Variants in RNF135 observed in about 807,000 individuals in gnomAD.
RNF135 encodes ring finger protein 135, also known as E3 ubiquitin-protein ligase RNF135.
RNF135 carries 46 observed loss-of-function variants against 41.9 expected under a neutral mutation model. The ratio of observed to expected loss-of-function variants is 1.10; its 90% CI spans 0.87 to 1.40. The LOEUF (loss-of-function observed/expected upper bound fraction) is 1.40, where lower values mean the gene tolerates loss of function less well. RNF135 is among the 40% of genes most tolerant of loss of function. The pLI is 0.00. For missense variants in RNF135, 539 were observed against 549.8 expected (o/e 0.98, Z 0.20); for synonymous variants, 238 against 223.8 (o/e 1.06, Z -0.57).
At chr17:30,959,514 G>A in the RNF135 span, 2 of 152,246 alleles carry the variant, frequency 1.3e-5, no homozygotes, top group African/African-American at 2.4e-5. Flanking sequence ...AGATAGTTGG[G>A]TTGGGGTGGG....
At chr17:30,986,988 T>A (rs775436934) in intron 2 of RNF135, among the ~76,000 whole-genome samples, 99 of 152,278 alleles carry the variant, frequency 6.5e-4, no homozygotes, top group Middle Eastern at 3.4e-3. Flanking sequence ...ACTCAATAAG[T>A]GTAATACTAC....
At chr17:30,998,188 G>A (rs1908501385) in intron 4 of RNF135, among the ~76,000 whole-genome samples, 1 of 152,190 alleles carries the variant, frequency 6.6e-6, no homozygotes, top group East Asian at 1.9e-4. Flanking sequence ...TGGGATTACA[G>A]GGGTAAGCCA....
Position 30,998,730 on chromosome 17 carries a change from A to G in RNF135, c.838A>G (p.Thr280Ala). 1 of 1,613,558 alleles carries G rather than the reference A, an allele frequency of 6.2e-7. No individual in the cohort carries two copies. The highest frequency in any genetic ancestry group is 8.5e-7 in the Non-Finnish European group (1 of 1,179,830). ...CSLEVSKDSR[T>A]VTVSHRPQPY... ...CCTGGAGGTGTCCAAGGATTCCCGT[A>G]CAGTGACTGTGTCTCACCGCCCACA... Residue 280 changes from threonine to alanine, a missense_variant, in exon 5 of 5, where the codon ACA (threonine) becomes GCA (alanine). This residue lies in a region of RNF135 where 262 missense variants were observed against 336.9 expected (regional missense o/e 0.78). Coordinates refer to ENST00000328381, the MANE Select transcript of RNF135 (RefSeq NM_032322.4).
intron 1 of RNF135, among the ~76,000 whole-genome samples, chr17:30,975,154 A>G (rs891074782): frequency 2.6e-5 from 4 of 151,596 alleles, no homozygotes; most frequent in Admixed American, 6.6e-5. Flanking sequence ...ATGAGACCCA[A>G]TGAAAAAAAA....
At chr17:30,975,378 A>G (rs919644426) in intron 1 of RNF135, 5 of 757,218 alleles carry the variant, frequency 6.6e-6, no homozygotes, top group Non-Finnish European at 1.2e-5. Flanking sequence ...ACACATCTGG[A>G]TTAGAAGATG....
chr17:30,987,468 G>A (rs1907672579), intron 2 of RNF135, among the ~76,000 whole-genome samples: 1 of 152,226 alleles, frequency 6.6e-6, no homozygotes, highest in African/African-American at 2.4e-5. Context: ...CTGACTTCAG[G>A]TGTTCTACCC....
the RNF135 span, among the ~76,000 whole-genome samples, chr17:30,963,834 G>C: frequency 6.6e-6 from 1 of 152,090 alleles, no homozygotes; most frequent in Admixed American, 6.6e-5. Flanking sequence ...AATGGGGTGA[G>C]GCCAGATGTG....
chr17:30,966,500 C>CTT (rs57567887), upstream of RNF135, among the ~76,000 whole-genome samples: 1 of 145,958 alleles, frequency 6.9e-6, no homozygotes, highest in African/African-American at 2.5e-5. Flanking sequence ...GTTTCAAATT[C>CTT]TTTTTTTTGT....
chr17:30,971,491 C>G (rs945488472), intron 1 of RNF135, 46 bp downstream of exon 1: 33 of 1,448,974 alleles, frequency 2.3e-5, no homozygotes, highest in Non-Finnish European at 2.8e-5. Context: ...CCGGGCTGCC[C>G]GCCGCCTGAC....
rs1598072424 is a variant in RNF135, at chr17:30,971,242, T to A, written c.169T>A (p.Trp57Arg). The change falls in exon 1 of 5, where the codon TGG becomes AGG. Residue 57 changes from tryptophan to arginine, a missense_variant. Physicochemically the swap from Trp to Arg is moderately radical, Grantham distance 101. Coordinates refer to ENST00000328381, the MANE Select transcript of RNF135 (RefSeq NM_032322.4). ...GTGGGGCGCCCGCGACGCCCGCCGC[T>A]GGGCCTGCCCCACTTGCCGCCAGGG... The part of the protein sequence containing the change: ...ALWGARDARR[W>R]ACPTCRQGAA... 2.0e-6 allele frequency: 3 copies of A among 1,518,560 alleles called. No homozygotes were observed. The highest frequency in any genetic ancestry group is 5.2e-5 in the East Asian group (2 of 38,436). The allele number at this position is 1,518,560 out of a possible 1,614,324, so 94.1% of individuals were successfully genotyped here.
chr17:30,988,896 G>A (rs537832140), intron 3 of RNF135, among the ~76,000 whole-genome samples: 5 of 131,434 alleles, frequency 3.8e-5, no homozygotes, highest in Middle Eastern at 4.5e-3. Context: ...TAATTTTTGC[G>A]TTGGTTTTTT....
intron 1 of RNF135, among the ~76,000 whole-genome samples, chr17:30,980,505 C>T (rs1433226305): frequency 1.7e-4 from 22 of 132,562 alleles, no homozygotes; most frequent in African/African-American, 6.0e-4. Flanking sequence ...GGGGGCTGAC[C>T]CCCCCCACCT....
chr17:30,976,052 C>T (rs1460699888), intron 1 of RNF135: 2 of 241,838 alleles, frequency 8.3e-6, no homozygotes. Flanking sequence ...TGTTGCCAGA[C>T]TGGAGTGCGG....
Position 30,999,046 on chromosome 17 carries a change from G to C in RNF135, c.1154G>C (p.Gly385Ala), listed in dbSNP as rs751167936. 3 of 1,614,190 alleles carry C rather than the reference G, an allele frequency of 1.9e-6. No individual in the cohort carries two copies. Among genetic ancestry groups the C allele is most frequent in the Non-Finnish European group, 1.7e-6 (2 of 1,180,036 alleles). ...GGCATCTGGCTGAACCTTGAGGAGG[G>C]AAAGCTTGCCTTCTATTCAGTGGAC... is the stretch of plus-strand genomic sequence containing the variant. ...VVGIWLNLEE[G>A]KLAFYSVDNQ... The change falls in exon 5 of 5, where the codon GGA becomes GCA. Residue 385 changes from glycine (G) to alanine (A), a missense_variant. By Grantham distance (60) the Gly-to-Ala change is moderately conservative (BLOSUM62 0). This residue lies in a region of RNF135 where 262 missense variants were observed against 336.9 expected (regional missense o/e 0.78). Coordinates refer to ENST00000328381, the MANE Select transcript of RNF135 (RefSeq NM_032322.4).
intron 1 of RNF135, chr17:30,979,242 C>CG (rs1906755407): frequency 7.4e-6 from 1 of 135,712 alleles, no homozygotes; most frequent in East Asian, 2.1e-4. Context: ...GGGGGCTGAC[C>CG]CCCCCCCCCA....
At chr17:30,983,510 C>A (rs748798126) in intron 1 of RNF135, among the ~76,000 whole-genome samples, 37 of 150,912 alleles carry the variant, frequency 2.5e-4, no homozygotes, top group Non-Finnish European at 5.0e-4. Flanking sequence ...CCTGCAACCA[C>A]ACCTGGTGAA....
chr17:30,988,246 G>A (rs1907732288), intron 3 of RNF135, 140 bp downstream of exon 3: 7 of 840,752 alleles, frequency 8.3e-6, no homozygotes, highest in Non-Finnish European at 1.4e-5. Context: ...ATCAGGTAGG[G>A]GTGGGCTGAA....
chr17:30,966,797 G>A (rs573853349), upstream of RNF135, among the ~76,000 whole-genome samples: 16 of 151,642 alleles, frequency 1.1e-4, no homozygotes, highest in Middle Eastern at 6.8e-3. Context: ...GAGCCACCGC[G>A]CCCGACCTCA....
intron 1 of RNF135, among the ~76,000 whole-genome samples, chr17:30,980,438 T>G (rs1316844516): frequency 1.1e-5 from 1 of 90,142 alleles, no homozygotes; most frequent in Admixed American, 1.1e-4. Context: ...CACTTCCCAG[T>G]AGGGGCGGCC....
Sources: allele counts gnomAD v4.1 joint callset (sites outside exome capture counted in the v4.1 genomes callset), GRCh38; gene constraint gnomAD v4.1.1; regional missense constraint gnomAD v4.1.1; transcripts MANE v1.5; gene names NCBI Gene and HGNC (gene_info 2026-07-23, HGNC 2026-07-21).